The following BNC2 variants were observed in gnomAD, a reference collection of about 807,000 sequenced individuals.
BNC2 encodes basonuclin zinc finger protein 2, also known as zinc finger protein basonuclin-2.
A neutral mutation model predicts 76.3 loss-of-function variants in BNC2; 20 were observed. The observed-to-expected ratio is 0.26, with a 90% confidence interval of 0.18 to 0.38. The LOEUF is 0.38. Ranked by LOEUF, BNC2 falls within the 10% of genes least tolerant of loss-of-function variation. The probability of loss-of-function intolerance (pLI) is 1.00; values close to 1 mark genes in which losing one functional copy is unlikely to be tolerated. For missense variants in BNC2, 1,382 were observed against 1,399.8 expected, an observed-to-expected ratio of 0.99 and a Z score of 0.20; for synonymous variants, 582 against 514.8, an observed-to-expected ratio of 1.13 and a Z score of -1.77.
chr9:16,695,944 G>C (rs10733315), intron 3 of BNC2, among the ~76,000 whole-genome samples: 91,018 of 151,860 alleles, frequency 0.6, 31,010 homozygotes, highest in Non-Finnish European at 0.79. Context: ...ATTACCATAA[G>C]CCCATTAACA....
At chr9:16,831,864 C>A (rs1257900695) in intron 1 of BNC2, among the ~76,000 whole-genome samples, 1 of 152,186 alleles carries the variant, frequency 6.6e-6, no homozygotes, top group African/African-American at 2.4e-5. Flanking sequence ...TTTTACTCCA[C>A]TGAGCAAATA....
intron 1 of BNC2, among the ~76,000 whole-genome samples, chr9:16,756,900 A>C (rs1004331902): frequency 3.3e-5 from 5 of 151,906 alleles, no homozygotes; most frequent in Admixed American, 6.6e-5. Flanking sequence ...CTGAGGCAGG[A>C]GAATGGCCTG....
At chr9:16,793,739 C>T (rs1817574309) in intron 1 of BNC2, among the ~76,000 whole-genome samples, 1 of 144,334 alleles carries the variant, frequency 6.9e-6, no homozygotes, top group Non-Finnish European at 1.5e-5. Context: ...GATCTGGGCT[C>T]ATTGCAAGCT....
At chr9:16,791,044 G>C (rs1817492108) in intron 1 of BNC2, among the ~76,000 whole-genome samples, 1 of 151,860 alleles carries the variant, frequency 6.6e-6, no homozygotes, top group Admixed American at 6.6e-5. Flanking sequence ...CTAGTGTATG[G>C]GATTTTATAC....
chr9:16,427,836 A>G (rs1820830779), intron 6 of BNC2, among the ~76,000 whole-genome samples: 2 of 152,186 alleles, frequency 1.3e-5, no homozygotes, highest in Admixed American at 6.5e-5. Context: ...CTCTTTCCTC[A>G]GTTCCCTAAT....
At chr9:16,645,739 T>C (rs1289666367) in intron 3 of BNC2, among the ~76,000 whole-genome samples, 3 of 152,206 alleles carry the variant, frequency 2.0e-5, no homozygotes, top group Non-Finnish European at 4.4e-5. Context: ...TTAATGTACA[T>C]AAATTCTTAG....
rs540114659 is a variant in BNC2, at chr9:16,860,154, A to G, written c.3+10492T>C. On this transcript the variant is annotated intron_variant, in intron 1 of 6. Transcript: ENST00000380672. ...AAAAAGGATTAACAAGATACATTTTACGTTGTTTTCTACCACAATCCAAAT... is the reference window on the plus strand; with the variant it reads ...AAAAAGGATTAACAAGATACATTTTGCGTTGTTTTCTACCACAATCCAAAT... 2.0e-5 allele frequency among the ~76,000 whole-genome samples: 3 copies of G among 152,294 alleles called. No homozygotes were observed. In the South Asian group the frequency reaches 6.2e-4, roughly 32 times the overall value.
At chr9:16,859,849 G>A (rs777545287) in intron 1 of BNC2, among the ~76,000 whole-genome samples, 21 of 152,244 alleles carry the variant, frequency 1.4e-4, no homozygotes, top group Non-Finnish European at 2.6e-4. Context: ...GGCCAGGCAC[G>A]GCGGCTCACG....
In BNC2 at chr9:16,418,125, A is replaced by T. The variant is rs1202876882; in HGVS notation, c.*864T>A. The T allele has an allele frequency of 6.5e-6, 1 of 152,684 alleles. No individual in the cohort carries two copies. Among genetic ancestry groups the T allele is most frequent in the Non-Finnish European group, 1.5e-5 (1 of 68,060 alleles). 9.5% of individuals were successfully genotyped at this position (152,684 alleles called of 1,614,324 possible). ...AGTATGGCAATAGTTTAAGGATAAA[A>T]AAGAAGCATGGTTATTACACATCCC... On this transcript the variant is annotated 3_prime_UTR_variant, in exon 7 of 7. Coordinates refer to ENST00000380672, the MANE Select transcript of BNC2 (RefSeq NM_017637.6).
intron 1 of BNC2, among the ~76,000 whole-genome samples, chr9:16,768,284 A>G (rs1825747924): frequency 6.6e-6 from 1 of 152,088 alleles, no homozygotes; most frequent in African/African-American, 2.4e-5. Flanking sequence ...CAATTCAGAC[A>G]CAGAAGTCAG....
At chr9:16,845,960 T>G (rs1280507282) in intron 1 of BNC2, among the ~76,000 whole-genome samples, 1 of 151,806 alleles carries the variant, frequency 6.6e-6, no homozygotes, top group African/African-American at 2.4e-5. Flanking sequence ...CCATCCTGGC[T>G]AACACGGTGA....
chr9:16,608,442 G>GA (rs895856508), intron 3 of BNC2, among the ~76,000 whole-genome samples: 247 of 149,468 alleles, frequency 1.7e-3, no homozygotes, highest in African/African-American at 5.3e-3. Flanking sequence ...AAAACTAAAA[G>GA]AAAAAAAAAG....
chr9:16,516,927 G>A (rs970444512), intron 5 of BNC2, among the ~76,000 whole-genome samples: 20 of 152,166 alleles, frequency 1.3e-4, no homozygotes, highest in African/African-American at 4.6e-4. Flanking sequence ...ATAGCAAAAG[G>A]CTTTAAACTG....
At chr9:16,513,737 G>C (rs922082250) in intron 5 of BNC2, among the ~76,000 whole-genome samples, 1 of 152,200 alleles carries the variant, frequency 6.6e-6, no homozygotes, top group Non-Finnish European at 1.5e-5. Context: ...CCATAGTCGG[G>C]AAGGACCGTA....
intron 1 of BNC2, among the ~76,000 whole-genome samples, chr9:16,765,460 A>G (rs1372349066): frequency 6.6e-6 from 1 of 152,198 alleles, no homozygotes; most frequent in Non-Finnish European, 1.5e-5. Context: ...TAAATCTGTT[A>G]TTATTAACAT....
Position 16,448,804 on chromosome 9 carries a change from T to C in BNC2, c.670-11280A>G, listed in dbSNP as rs192643571. 5.9e-4 allele frequency among the ~76,000 whole-genome samples: 90 copies of C among 152,338 alleles called. No homozygotes were observed. The East Asian group carries it at 0.017, about 28-fold the overall frequency. ...GCATTCATCAGGGAACAACACATTA[T>C]TACTTGTAACACATACACAAGGCTG... On this transcript the variant is annotated intron_variant, in intron 5 of 6. Transcript: ENST00000380672.
chr9:16,866,826 G>T (rs1259227688), intron 1 of BNC2, among the ~76,000 whole-genome samples: 1 of 151,942 alleles, frequency 6.6e-6, no homozygotes, highest in African/African-American at 2.4e-5. Context: ...CTCTTCAGAG[G>T]GGATTTTACT....
chr9:16,605,781 A>G (rs922156251), intron 3 of BNC2, among the ~76,000 whole-genome samples: 3 of 135,528 alleles, frequency 2.2e-5, no homozygotes, highest in Non-Finnish European at 4.7e-5. Context: ...CCTTTCAAGA[A>G]TTCTTTTTTT....
At chr9:16,750,576 T>G (rs887521161) in intron 1 of BNC2, among the ~76,000 whole-genome samples, 1 of 152,218 alleles carries the variant, frequency 6.6e-6, no homozygotes, top group Non-Finnish European at 1.5e-5. Flanking sequence ...AATGAGCAAA[T>G]GCAAGAGATC....
Sources: gnomAD v4.1 joint callset for allele counts (sites outside exome capture counted in the v4.1 genomes callset) on GRCh38, gnomAD v4.1.1 for gene constraint, MANE v1.5 for transcripts, NCBI Gene and HGNC (gene_info 2026-07-23, HGNC 2026-07-21) for gene names.